RIMS2: variants seen among roughly 807,000 people sequenced by gnomAD.
RIMS2 encodes regulating synaptic membrane exocytosis 2.
A neutral mutation model predicts 174.4 loss-of-function variants in RIMS2; 59 were observed. That is an observed-to-expected ratio of 0.34 (90% CI 0.27 to 0.42). RIMS2 has a LOEUF of 0.42. RIMS2 is among the 10% of genes least tolerant of loss of function. RIMS2 has a pLI of 1.00. For missense variants in RIMS2, 1,620 were observed against 1,666.3 expected (o/e 0.97, Z 0.48); for synonymous variants, 606 against 572.5 (o/e 1.06, Z -0.84).
intron 3 of RIMS2, among the ~76,000 whole-genome samples, chr8:103,878,935 C>A (rs956587413): frequency 2.0e-5 from 3 of 151,602 alleles, no homozygotes; most frequent in Non-Finnish European, 4.4e-5. Context: ...GTAATCTTAA[C>A]TGGATAATAA....
intron 3 of RIMS2, among the ~76,000 whole-genome samples, chr8:103,834,746 C>CTTTCTT (rs1564830911): frequency 1.2e-4 from 9 of 77,240 alleles, no homozygotes; most frequent in Admixed American, 3.6e-4. Flanking sequence ...CTTTCTTTCT[C>CTTTCTT]TCTCTTTCTT....
chr8:103,775,883 A>G (rs927322197), intron 3 of RIMS2, among the ~76,000 whole-genome samples: 1 of 152,164 alleles, frequency 6.6e-6, no homozygotes, highest in Non-Finnish European at 1.5e-5. Context: ...TGAAAAAAAG[A>G]ATCTATTTCT....
At chr8:103,745,104 A>G (rs911499916) in intron 2 of RIMS2, among the ~76,000 whole-genome samples, 1 of 152,210 alleles carries the variant, frequency 6.6e-6, no homozygotes, top group African/African-American at 2.4e-5. Context: ...GTGTCATGCA[A>G]CCATCACAAT....
At chr8:103,502,293 C>T (rs1397781507) in intron 1 of RIMS2, among the ~76,000 whole-genome samples, 2 of 152,064 alleles carry the variant, frequency 1.3e-5, no homozygotes, top group Non-Finnish European at 2.9e-5. Context: ...AATAAAGAAA[C>T]AGGTTTCATT....
chr8:104,123,538 T>C (rs950183261), intron 19 of RIMS2, among the ~76,000 whole-genome samples: 1 of 151,996 alleles, frequency 6.6e-6, no homozygotes. Context: ...AATACAACAG[T>C]AGACTTTTTT....
intron 17 of RIMS2, among the ~76,000 whole-genome samples, chr8:104,012,089 TC>T (rs1283290825): frequency 2.0e-5 from 3 of 151,966 alleles, no homozygotes; most frequent in African/African-American, 7.2e-5. Flanking sequence ...ACATTTAATG[TC>T]AGTTAATTTG....
At chr8:103,783,025 T>C (rs1286029377) in intron 3 of RIMS2, among the ~76,000 whole-genome samples, 2 of 152,210 alleles carry the variant, frequency 1.3e-5, no homozygotes, top group African/African-American at 4.8e-5. Context: ...TAGCTGGGTC[T>C]TCCCCTTAGG....
intron 3 of RIMS2, among the ~76,000 whole-genome samples, chr8:103,786,355 G>C (rs942929170): frequency 7.9e-5 from 12 of 151,856 alleles, no homozygotes; most frequent in Non-Finnish European, 1.8e-4. Flanking sequence ...TCTTTTAATT[G>C]TGATGTTAGG....
intron 3 of RIMS2, among the ~76,000 whole-genome samples, chr8:103,884,195 G>A (rs994439672): frequency 6.6e-6 from 1 of 151,776 alleles, no homozygotes; most frequent in African/African-American, 2.4e-5. Context: ...TCATTCTACT[G>A]TATCCTTTAT....
chr8:103,833,015 C>T (rs908483806), intron 3 of RIMS2, among the ~76,000 whole-genome samples: 1 of 152,116 alleles, frequency 6.6e-6, no homozygotes, highest in African/African-American at 2.4e-5. Context: ...TGGAGAACAC[C>T]CTGTAATATT....
At chr8:103,992,689 G>A (rs929304809) in intron 17 of RIMS2, among the ~76,000 whole-genome samples, 13 of 152,086 alleles carry the variant, frequency 8.5e-5, no homozygotes, top group African/African-American at 3.1e-4. Flanking sequence ...TTTTTATTAG[G>A]TCTTTGTTTC....
At chr8:103,555,381 T>C (rs1427662500) in intron 1 of RIMS2, among the ~76,000 whole-genome samples, 4 of 152,162 alleles carry the variant, frequency 2.6e-5, no homozygotes, top group Non-Finnish European at 5.9e-5. Flanking sequence ...TTGGAAATTA[T>C]GTTGAGAGAA....
intron 3 of RIMS2, among the ~76,000 whole-genome samples, chr8:103,835,903 G>A (rs956642989): frequency 3.3e-5 from 5 of 152,144 alleles, no homozygotes; most frequent in African/African-American, 1.2e-4. Context: ...AGATTCTAAT[G>A]ACTATTGGTA....
intron 1 of RIMS2, among the ~76,000 whole-genome samples, chr8:103,604,080 A>G (rs1263261562): frequency 4.0e-5 from 6 of 149,192 alleles, no homozygotes; most frequent in South Asian, 4.2e-4. Flanking sequence ...GCCCATGCCT[A>G]TGTCCTGAAT....
intron 12 of RIMS2, among the ~76,000 whole-genome samples, chr8:103,934,748 A>G (rs558714403): frequency 4.7e-5 from 7 of 148,650 alleles, no homozygotes; most frequent in African/African-American, 1.7e-4. Flanking sequence ...CCCAGGCTGG[A>G]GTGCAATGGC....
intron 1 of RIMS2, among the ~76,000 whole-genome samples, chr8:103,629,922 G>T (rs1359262551): frequency 6.6e-6 from 1 of 152,016 alleles, no homozygotes; most frequent in African/African-American, 2.4e-5. Context: ...GGAAGGCAGG[G>T]AGAGGGGGAG....
chr8:103,790,493 C>T (rs2098486571), intron 3 of RIMS2, among the ~76,000 whole-genome samples: 1 of 152,010 alleles, frequency 6.6e-6, no homozygotes. Flanking sequence ...TTCTTTTATT[C>T]ATCAGTTGAT....
At chr8:103,816,728 G>C (rs2098720810) in intron 3 of RIMS2, among the ~76,000 whole-genome samples, 1 of 152,148 alleles carries the variant, frequency 6.6e-6, no homozygotes, top group Non-Finnish European at 1.5e-5. Context: ...TCACTAGCAT[G>C]GGTGTAGTAT....
intron 2 of RIMS2, among the ~76,000 whole-genome samples, chr8:103,751,275 C>T (rs961652519): frequency 6.6e-6 from 1 of 152,112 alleles, no homozygotes; most frequent in African/African-American, 2.4e-5. Flanking sequence ...AGGACATGAA[C>T]TCATCCTTTT....
Sources: gnomAD v4.1 joint callset for allele counts (sites outside exome capture counted in the v4.1 genomes callset) on GRCh38, gnomAD v4.1.1 for gene constraint, MANE v1.5 for transcripts, NCBI Gene and HGNC (gene_info 2026-07-23, HGNC 2026-07-21) for gene names.